TXN2: variants seen among roughly 807,000 people sequenced by gnomAD.
TXN2 encodes thioredoxin, mitochondrial.
Under a neutral mutation model 14.6 loss-of-function variants are expected in TXN2, and 12 were observed. That is an observed-to-expected ratio of 0.82 (90% CI 0.53 to 1.33). The LOEUF (loss-of-function observed/expected upper bound fraction) is 1.33, where lower values mean the gene tolerates loss of function less well. TXN2 is among the 40% of genes most tolerant of loss of function. The pLI is 0.00. For synonymous variants in TXN2, 89 were observed against 81.0 expected (o/e 1.10, Z -0.53); for missense variants, 173 against 207.7 (o/e 0.83, Z 1.03).
intron 3 of TXN2, among the ~76,000 whole-genome samples, chr22:36,469,073 C>A (rs6000280): frequency 0.13 from 16,579 of 132,168 alleles, 999 homozygotes; most frequent in African/African-American, 0.21. Context: ...TAAATAAATA[C>A]ATAAATAAAG....
intron 3 of TXN2, among the ~76,000 whole-genome samples, chr22:36,470,910 C>G (rs922875280): frequency 5.3e-5 from 8 of 152,164 alleles, no homozygotes; most frequent in Middle Eastern, 6.8e-3. Context: ...CAATGGAGGT[C>G]TGGTCACTAC....
chr22:36,475,238 C>T (rs927672978), intron 3 of TXN2, among the ~76,000 whole-genome samples: 2 of 140,910 alleles, frequency 1.4e-5, no homozygotes, highest in Non-Finnish European at 3.1e-5. Flanking sequence ...AATTAGCCGG[C>T]GTGGTGGCGC....
intron 1 of TXN2, 200 bp from the exon 2 acceptor site, chr22:36,481,037 C>G: frequency 1.9e-6 from 1 of 523,288 alleles, no homozygotes; most frequent in Non-Finnish European, 3.2e-6. Flanking sequence ...ACCAGAAGGA[C>G]AGGAAAACTG....
chr22:36,467,867 G>C lies in TXN2; in HGVS notation c.438C>G (p.Asp146Glu). 1 of 1,614,220 alleles carries C rather than the reference G, an allele frequency of 6.2e-7. No individual in the cohort carries two copies. The highest frequency in any genetic ancestry group is 2.2e-5 in the East Asian group (1 of 44,886). The part of the protein sequence containing the change: ...VLAMKNGDVV[D>E]KFVGIKDEDQ... ...CCTCATCCTTGATGCCCACAAACTT[G>C]TCCACCACGTCCCCATTCTTCATGG... The change falls in exon 4 of 4, where the codon GAC becomes GAG. Residue 146 changes from aspartate to glutamate, a missense_variant. Coordinates refer to ENST00000216185, the MANE Select transcript of TXN2 (RefSeq NM_012473.4).
Position 36,476,784 on chromosome 22 carries a change from C to T in TXN2, c.336G>A (p.Val112=), listed in dbSNP as rs1265808550. 1 of 1,614,184 alleles carries T rather than the reference C, an allele frequency of 6.2e-7. No homozygotes were observed. Among genetic ancestry groups the T allele is most frequent in the Non-Finnish European group, 8.5e-7 (1 of 1,180,032 alleles). Residue 112 remains valine (V), a synonymous_variant, in exon 3 of 4, where the codon GTG becomes GTA. Transcript: ENST00000216185. ...KMVAKQHGKV[V]MAKVDIDDHT... ...GGTCATCAATATCCACCTTGGCCAT[C>T]ACCACCTTCCCGTGCTGCTTGGCCA...
chr22:36,480,947 A>C, intron 1 of TXN2, 110 bp from the exon 2 acceptor site: 2 of 1,189,522 alleles, frequency 1.7e-6, no homozygotes, highest in African/African-American at 1.5e-5. Flanking sequence ...TGGAAGCAAA[A>C]TGCAAGGAAA....
At chr22:36,471,796 T>C (rs936766258) in intron 3 of TXN2, among the ~76,000 whole-genome samples, 6 of 152,046 alleles carry the variant, frequency 3.9e-5, no homozygotes, top group Admixed American at 2.6e-4. Flanking sequence ...TGGTGAAACC[T>C]TGTCTCTACC....
intron 3 of TXN2, among the ~76,000 whole-genome samples, chr22:36,475,248 C>T (rs547120740): frequency 2.2e-4 from 34 of 152,042 alleles, no homozygotes; most frequent in Admixed American, 1.5e-3. Context: ...CGTGGTGGCG[C>T]GTGCCTGTAA....
chr22:36,472,314 A>G (rs1933296495), intron 3 of TXN2, among the ~76,000 whole-genome samples: 3 of 152,072 alleles, frequency 2.0e-5, no homozygotes, highest in Non-Finnish European at 4.4e-5. Flanking sequence ...CAGAGGAGAG[A>G]GGACATGGAG....
intron 2 of TXN2, 78 bp downstream of exon 2, chr22:36,480,497 G>C: frequency 6.5e-7 from 1 of 1,542,464 alleles, no homozygotes; most frequent in Non-Finnish European, 8.8e-7. Flanking sequence ...CATAGAACAT[G>C]GCCGTGGGAC....
At chr22:36,471,922 A>G (rs2145821603) in intron 3 of TXN2, among the ~76,000 whole-genome samples, 1 of 149,764 alleles carries the variant, frequency 6.7e-6, no homozygotes, top group Admixed American at 6.7e-5. Context: ...GTGAGCCGAG[A>G]TTGCGCCACT....
At chr22:36,479,189 C>T (rs1933447406) in intron 2 of TXN2, among the ~76,000 whole-genome samples, 1 of 152,118 alleles carries the variant, frequency 6.6e-6, no homozygotes, top group East Asian at 1.9e-4. Context: ...TGTGCAAGAC[C>T]TTATCTCCTA....
At chr22:36,479,432 A>G (rs1933453360) in intron 2 of TXN2, among the ~76,000 whole-genome samples, 1 of 151,654 alleles carries the variant, frequency 6.6e-6, no homozygotes, top group Non-Finnish European at 1.5e-5. Context: ...CCCAGGTTCA[A>G]GCGATTCTCC....
Position 36,480,772 on chromosome 22 carries a change from A to AC in TXN2, c.65dup (p.Gln23SerfsTer41). 1 of 1,612,898 alleles carries AC rather than the reference A, an allele frequency of 6.2e-7. No individual in the cohort carries two copies. Reference sequence around the variant, plus strand: ...CTCTGGAAGTGAGGGGTGGCCACTGACCCTGAGAGGGCTTCCTGGAGATGA... The same window carrying AC: ...CTCTGGAAGTGAGGGGTGGCCACTGACCCCTGAGAGGGCTTCCTGGAGATGA... On this transcript the variant is annotated frameshift_variant, in exon 2 of 4. Coordinates refer to ENST00000216185, the MANE Select transcript of TXN2 (RefSeq NM_012473.4). LOFTEE classifies it high-confidence loss of function.
At chr22:36,476,562 AG>A (rs1933390479) in intron 3 of TXN2, among the ~76,000 whole-genome samples, 170 bp downstream of exon 3, 1 of 151,966 alleles carries the variant, frequency 6.6e-6, no homozygotes, top group African/African-American at 2.4e-5. Flanking sequence ...ATTGCACTCT[AG>A]CCCAGGTGAC....
At chr22:36,476,589 C>T in intron 3 of TXN2, 144 bp downstream of exon 3, 1 of 1,178,432 alleles carries the variant, frequency 8.5e-7, no homozygotes. Flanking sequence ...GAGATTCCGT[C>T]TCAAAAAAAA....
intron 3 of TXN2, among the ~76,000 whole-genome samples, chr22:36,470,277 T>G (rs561745382): frequency 6.6e-6 from 1 of 152,330 alleles, no homozygotes; most frequent in Admixed American, 6.5e-5. Flanking sequence ...ACAGTCCTTG[T>G]CCTTGTTAGT....
chr22:36,474,274 T>C (rs996930103), intron 3 of TXN2, among the ~76,000 whole-genome samples: 1 of 152,188 alleles, frequency 6.6e-6, no homozygotes, highest in Non-Finnish European at 1.5e-5. Flanking sequence ...TCACCTGTAG[T>C]GGCCACCGTG....
At chr22:36,476,627 G>A in intron 3 of TXN2, 106 bp downstream of exon 3, 1 of 1,472,070 alleles carries the variant, frequency 6.8e-7, no homozygotes, top group Non-Finnish European at 9.1e-7. Flanking sequence ...AAGACACCTT[G>A]CTTACTGGCT....
Sources: gnomAD v4.1 joint callset for allele counts (sites outside exome capture counted in the v4.1 genomes callset) on GRCh38, gnomAD v4.1.1 for gene constraint, MANE v1.5 for transcripts, NCBI Gene and HGNC (gene_info 2026-07-23, HGNC 2026-07-21) for gene names.